The following SHLD1 variants were observed in gnomAD, a reference collection of about 807,000 sequenced individuals.
SHLD1 encodes the protein shieldin complex subunit 1.
In SHLD1, 3 loss-of-function variants were observed where a neutral mutation model predicts 5.5. That is an observed-to-expected ratio of 0.54 (90% CI 0.25 to 1.40). The LOEUF is 1.40. SHLD1 is among the 40% of genes most tolerant of loss of function. SHLD1 has a pLI of 0.15. For synonymous variants in SHLD1, 92 were observed against 94.3 expected (o/e 0.98, Z 0.14); for missense variants, 210 against 244.4 (o/e 0.86, Z 0.94).
chr20:5,774,077 G>A (rs1006512283), intron 2 of SHLD1, among the ~76,000 whole-genome samples: 35 of 152,024 alleles, frequency 2.3e-4, no homozygotes, highest in East Asian at 5.8e-4. Flanking sequence ...GGTGGCGGGC[G>A]CCTGTAATAC....
intron 2 of SHLD1, among the ~76,000 whole-genome samples, chr20:5,819,928 G>C (rs1489494255): frequency 1.3e-5 from 2 of 152,152 alleles, no homozygotes; most frequent in East Asian, 3.9e-4. Flanking sequence ...ATGAGGACTT[G>C]ACAGTGTTTT....
At chr20:5,816,591 G>T (rs1023246783) in intron 2 of SHLD1, among the ~76,000 whole-genome samples, 3 of 152,168 alleles carry the variant, frequency 2.0e-5, no homozygotes, top group African/African-American at 4.8e-5. Context: ...GGACCATAGC[G>T]AAATAGTGGC....
chr20:5,820,212 C>T (rs1389978082), intron 2 of SHLD1, among the ~76,000 whole-genome samples: 3 of 152,252 alleles, frequency 2.0e-5, no homozygotes, highest in African/African-American at 7.2e-5. Context: ...TCCCAAAGTG[C>T]TGGGATTATA....
intron 1 of SHLD1, among the ~76,000 whole-genome samples, chr20:5,757,378 C>T (rs1738296016): frequency 6.6e-6 from 1 of 151,838 alleles, no homozygotes; most frequent in Middle Eastern, 3.2e-3. Flanking sequence ...CTTTTTCTCT[C>T]TTTATTTTTT....
At chr20:5,782,233 A>T (rs1361993908) in intron 2 of SHLD1, among the ~76,000 whole-genome samples, 1 of 152,174 alleles carries the variant, frequency 6.6e-6, no homozygotes, top group Non-Finnish European at 1.5e-5. Context: ...AGCACAGAGT[A>T]TACAGAATGG....
chr20:5,757,625 G>A (rs897019203), intron 1 of SHLD1, among the ~76,000 whole-genome samples: 2 of 152,032 alleles, frequency 1.3e-5, no homozygotes, highest in African/African-American at 4.8e-5. Context: ...TTTATGAGAT[G>A]GAGTTTCACT....
intron 2 of SHLD1, among the ~76,000 whole-genome samples, chr20:5,838,866 A>T (rs1427925865): frequency 6.6e-6 from 1 of 152,230 alleles, no homozygotes; most frequent in African/African-American, 2.4e-5. Flanking sequence ...TGTGCATTTG[A>T]TTAATATTAA....
Position 5,828,876 on chromosome 20 carries a change from CAT to C in SHLD1, c.179-34147_179-34146del, listed in dbSNP as rs57681666. Among the ~76,000 whole-genome samples, 495 of 152,076 alleles carry C rather than the reference CAT, an allele frequency of 3.3e-3. 1 individual carries two copies. Among genetic ancestry groups the C allele is most frequent in the African/African-American group, 0.011 (475 of 41,492 alleles). On this transcript the variant is annotated intron_variant, in intron 2 of 2. Transcript: ENST00000303142. ...TCTAGCCAGATTCTATTATTATTGT[CAT>C]TATTATTATTTTGAGATAGGATCTC... is the stretch of plus-strand genomic sequence containing the variant.
chr20:5,776,520 T>G (rs991427893), intron 2 of SHLD1, among the ~76,000 whole-genome samples: 1 of 151,968 alleles, frequency 6.6e-6, no homozygotes, highest in Non-Finnish European at 1.5e-5. Context: ...CCCAGCACTT[T>G]GGGAGGCCGA....
intron 1 of SHLD1, among the ~76,000 whole-genome samples, chr20:5,771,172 T>C (rs1448689283): frequency 6.6e-6 from 1 of 152,202 alleles, no homozygotes; most frequent in African/African-American, 2.4e-5. Context: ...TCTGGTACTT[T>C]CCAGTCTTTT....
At chr20:5,760,898 A>T (rs1984424989) in intron 1 of SHLD1, among the ~76,000 whole-genome samples, 1 of 152,050 alleles carries the variant, frequency 6.6e-6, no homozygotes, top group African/African-American at 2.4e-5. Context: ...GAGCACAGCC[A>T]ATCTGCCCTG....
At chr20:5,774,429 TCTC>T (rs1417471409) in intron 2 of SHLD1, among the ~76,000 whole-genome samples, 1 of 152,124 alleles carries the variant, frequency 6.6e-6, no homozygotes, top group Admixed American at 6.6e-5. Flanking sequence ...GATCAGTAAG[TCTC>T]CTGTTTAATT....
At chr20:5,795,524 G>T (rs1441251669) in intron 2 of SHLD1, among the ~76,000 whole-genome samples, 1 of 147,374 alleles carries the variant, frequency 6.8e-6, no homozygotes, top group East Asian at 2.0e-4. Context: ...GCTTGAACCC[G>T]GGAGGCAGAG....
At chr20:5,812,477 C>G (rs1275490307) in intron 2 of SHLD1, among the ~76,000 whole-genome samples, 1 of 152,182 alleles carries the variant, frequency 6.6e-6, no homozygotes, top group East Asian at 1.9e-4. Context: ...GTCCTTCTTT[C>G]CATTTCTAAA....
intron 2 of SHLD1, among the ~76,000 whole-genome samples, chr20:5,850,256 T>C (rs907789772): frequency 1.3e-4 from 19 of 151,728 alleles, no homozygotes; most frequent in Admixed American, 5.3e-4. Context: ...TGGAAAGGAA[T>C]GCCTGAAGTT....
chr20:5,816,318 G>A (rs2122393287), intron 2 of SHLD1, among the ~76,000 whole-genome samples: 1 of 152,238 alleles, frequency 6.6e-6, no homozygotes, highest in East Asian at 1.9e-4. Flanking sequence ...CCAGGACAGA[G>A]AGAACCAAGA....
chr20:5,764,126 CAA>C (rs766327106), intron 1 of SHLD1, among the ~76,000 whole-genome samples: 20 of 53,238 alleles, frequency 3.8e-4, no homozygotes, highest in African/African-American at 1.0e-3. Flanking sequence ...GGCTCTGTCT[CAA>C]AAAAAAAAAA....
At chr20:5,838,061 A>G (rs2143567) in intron 2 of SHLD1, among the ~76,000 whole-genome samples, 2,940 of 152,344 alleles carry the variant, frequency 0.019, 51 homozygotes, top group Non-Finnish European at 0.03. Context: ...GTAGCGATCA[A>G]TCTTTGTATA....
intron 2 of SHLD1, among the ~76,000 whole-genome samples, chr20:5,835,842 T>G (rs1216881600): frequency 6.6e-6 from 1 of 152,142 alleles, no homozygotes; most frequent in African/African-American, 2.4e-5. Context: ...GCAGAAAAAT[T>G]GTTAGAGAAA....
Sources: gnomAD v4.1 joint callset for allele counts (sites outside exome capture counted in the v4.1 genomes callset) on GRCh38, gnomAD v4.1.1 for gene constraint, MANE v1.5 for transcripts, NCBI Gene and HGNC (gene_info 2026-07-23, HGNC 2026-07-21) for gene names.